The following CADM2 variants were observed in gnomAD, a reference collection of about 807,000 sequenced individuals.
The protein encoded by CADM2 is cell adhesion molecule 2.
A neutral mutation model predicts 49.8 loss-of-function variants in CADM2; 12 were observed. The ratio of observed to expected loss-of-function variants is 0.24; its 90% CI spans 0.15 to 0.39. The LOEUF is 0.39. CADM2 is among the 10% of genes least tolerant of loss of function. The pLI is 1.00. For missense variants in CADM2, 378 were observed against 492.3 expected (o/e 0.77, Z 2.20); for synonymous variants, 214 against 175.4 (o/e 1.22, Z -1.74).
At chr3:85,920,532 G>C (rs1164248589) in intron 6 of CADM2, among the ~76,000 whole-genome samples, 1 of 151,758 alleles carries the variant, frequency 6.6e-6, no homozygotes, top group East Asian at 1.9e-4. Context: ...AGATAGCCTA[G>C]AGTGTGACCA....
intron 7 of CADM2, among the ~76,000 whole-genome samples, chr3:85,952,956 G>A (rs758150222): frequency 1.3e-5 from 2 of 150,486 alleles, no homozygotes; most frequent in Middle Eastern, 3.4e-3. Context: ...AGATTCTTCA[G>A]CTGGCACTCC....
At chr3:85,272,174 G>A (rs1215664030) in intron 1 of CADM2, among the ~76,000 whole-genome samples, 2 of 151,018 alleles carry the variant, frequency 1.3e-5, no homozygotes, top group Non-Finnish European at 3.0e-5. Context: ...CAGAGTCCAA[G>A]CCAAAATGGA....
intron 1 of CADM2, among the ~76,000 whole-genome samples, chr3:85,703,765 C>T (rs1435766581): frequency 6.6e-6 from 1 of 152,088 alleles, no homozygotes; most frequent in South Asian, 2.1e-4. Context: ...GGAAACTTAG[C>T]ATAATTCAAT....
intron 2 of CADM2, among the ~76,000 whole-genome samples, chr3:85,756,280 G>C (rs973146775): frequency 1.3e-5 from 2 of 152,048 alleles, no homozygotes. Flanking sequence ...TCATCATCAT[G>C]TCTTTTTCTC....
chr3:85,471,360 C>A (rs186568184), intron 1 of CADM2, among the ~76,000 whole-genome samples: 75 of 152,212 alleles, frequency 4.9e-4, no homozygotes, highest in African/African-American at 1.7e-3. Flanking sequence ...AAGTGATATC[C>A]TTTACTTCTG....
chr3:85,137,267 T>C (rs772453893), intron 1 of CADM2, among the ~76,000 whole-genome samples: 1 of 152,028 alleles, frequency 6.6e-6, no homozygotes, highest in Non-Finnish European at 1.5e-5. Flanking sequence ...CTAACAGTTA[T>C]AAAGAAACTT....
At chr3:85,658,614 ATATAC>A in intron 1 of CADM2, among the ~76,000 whole-genome samples, 1 of 135,256 alleles carries the variant, frequency 7.4e-6, no homozygotes, top group East Asian at 2.1e-4. Context: ...ATATATATAT[ATATAC>A]ATGTATGCAT....
intron 1 of CADM2, among the ~76,000 whole-genome samples, chr3:85,197,244 GA>G (rs199665106): frequency 3.3e-5 from 5 of 149,476 alleles, no homozygotes; most frequent in African/African-American, 4.9e-5. Context: ...TAGAGGTAGA[GA>G]AAAAAAAACA....
In CADM2 at chr3:86,069,737, C is replaced by T. The variant is rs948814609; in HGVS notation, c.*2954C>T. ...CCTTAGTAGAATATGGAGCATTATT[C>T]TTTACCAAAAGTAGCTATTCTCTGC... On this transcript the variant is annotated 3_prime_UTR_variant, in exon 10 of 10. Coordinates refer to ENST00000383699, the MANE Select transcript of CADM2 (RefSeq NM_001167675.2). 1 of 151,968 alleles carries T rather than the reference C, an allele frequency of 6.6e-6. No homozygotes were observed. Among genetic ancestry groups the T allele is most frequent in the African/African-American group, 2.4e-5 (1 of 41,438 alleles). 9.4% of individuals were successfully genotyped at this position (151,968 alleles called of 1,614,324 possible). A position where few individuals can be genotyped will look rare whatever the true frequency, so the allele number is the denominator to read the frequency against.
chr3:84,961,635 T>TGCGCGCGC (rs1346436785), intron 1 of CADM2, among the ~76,000 whole-genome samples: 2 of 152,076 alleles, frequency 1.3e-5, no homozygotes, highest in African/African-American at 4.8e-5. Context: ...TGTGTGTGTG[T>TGCGCGCGC]GTGCGCGCGC....
chr3:85,850,922 G>A (rs1238887892), intron 3 of CADM2, among the ~76,000 whole-genome samples: 1 of 152,056 alleles, frequency 6.6e-6, no homozygotes, highest in Non-Finnish European at 1.5e-5. Context: ...ACTGGATGCC[G>A]AGACCTCTAG....
chr3:86,069,766 T>A lies in CADM2; in HGVS notation c.*2983T>A, dbSNP rs1276049392. On this transcript the variant is annotated 3_prime_UTR_variant, in exon 10 of 10. Transcript: ENST00000383699. ...ACCAAAAGTAGCTATTCTCTGCCAG[T>A]GTACTGTTTACAGTGTAAATTGATT... 1 of 152,042 alleles carries A rather than the reference T, an allele frequency of 6.6e-6. No individual in the cohort carries two copies. Among genetic ancestry groups the A allele is most frequent in the African/African-American group, 2.4e-5 (1 of 41,448 alleles). The allele number at this position is 152,042 out of a possible 1,614,324, so 9.4% of individuals were successfully genotyped here. A position where few individuals can be genotyped will look rare whatever the true frequency, so the allele number is the denominator to read the frequency against.
intron 3 of CADM2, among the ~76,000 whole-genome samples, chr3:85,824,574 T>G (rs2073798384): frequency 6.6e-6 from 1 of 152,078 alleles, no homozygotes; most frequent in African/African-American, 2.4e-5. Context: ...AAGTGTGCAA[T>G]CAGGGTGGAG....
chr3:85,603,237 A>T (rs2063460130), intron 1 of CADM2, among the ~76,000 whole-genome samples: 1 of 151,936 alleles, frequency 6.6e-6, no homozygotes, highest in African/African-American at 2.4e-5. Flanking sequence ...TGACTGAACC[A>T]TGTTGAGACT....
chr3:85,214,572 G>A (rs1041672342), intron 1 of CADM2, among the ~76,000 whole-genome samples: 2 of 151,812 alleles, frequency 1.3e-5, no homozygotes, highest in African/African-American at 4.8e-5. Context: ...GTTCAGAGAT[G>A]CCACTTGGGA....
rs561733159 is a variant in CADM2, at chr3:85,576,543, A to G, written c.62-149979A>G. Among the ~76,000 whole-genome samples the G allele has an allele frequency of 3.9e-5, 6 of 152,348 alleles. No homozygotes were observed. The East Asian group carries it at 9.6e-4, about 24-fold the overall frequency. On this transcript the variant is annotated intron_variant, in intron 1 of 9. Transcript: ENST00000383699. ...GTTTACACACACATATGGAGGCACA[A>G]ACATACTCATACACAAATATTAGTA...
chr3:85,944,722 A>G (rs1197091471), intron 7 of CADM2, among the ~76,000 whole-genome samples: 1 of 152,142 alleles, frequency 6.6e-6, no homozygotes, highest in Non-Finnish European at 1.5e-5. Flanking sequence ...TGTTCTTTGA[A>G]ACCAACGAGA....
intron 1 of CADM2, among the ~76,000 whole-genome samples, chr3:85,352,765 AT>A (rs1295152115): frequency 6.6e-6 from 1 of 152,158 alleles, no homozygotes; most frequent in Non-Finnish European, 1.5e-5. Context: ...AAATGACTGG[AT>A]GACCATGTCA....
chr3:85,065,991 C>T (rs2036514513), intron 1 of CADM2, among the ~76,000 whole-genome samples: 1 of 152,098 alleles, frequency 6.6e-6, no homozygotes, highest in Admixed American at 6.6e-5. Context: ...GTTTTGCTGT[C>T]TTGGAGGTTT....
Sources: gnomAD v4.1 joint callset for allele counts (sites outside exome capture counted in the v4.1 genomes callset) on GRCh38, gnomAD v4.1.1 for gene constraint, MANE v1.5 for transcripts, NCBI Gene and HGNC (gene_info 2026-07-23, HGNC 2026-07-21) for gene names.